ARL15: variants seen among roughly 807,000 people sequenced by gnomAD.
ARL15 encodes the protein ADP-ribosylation factor-like protein 15.
ARL15 carries 19 observed loss-of-function variants against 25.2 expected under a neutral mutation model. The observed-to-expected ratio is 0.75, with a 90% CI of 0.53 to 1.10. The LOEUF (loss-of-function observed/expected upper bound fraction) is 1.10, where lower values mean the gene tolerates loss of function less well. ARL15 is among the 50% of genes least tolerant of loss of function. The pLI is 0.00. For missense variants in ARL15, 220 were observed against 246.0 expected, an observed-to-expected ratio of 0.89 and a Z score of 0.71; for synonymous variants, 94 against 86.8, an observed-to-expected ratio of 1.08 and a Z score of -0.46.
intron 1 of ARL15, among the ~76,000 whole-genome samples, chr5:54,304,573 G>A (rs1758704511): frequency 1.3e-5 from 2 of 152,190 alleles, no homozygotes; most frequent in Non-Finnish European, 2.9e-5. Flanking sequence ...TTGGGAACCA[G>A]ACTTAACACC....
At chr5:53,905,217 T>G (rs1203279444) in intron 4 of ARL15, among the ~76,000 whole-genome samples, 1 of 152,198 alleles carries the variant, frequency 6.6e-6, no homozygotes. Context: ...CATAAAAGCA[T>G]GTCCACTGTC....
chr5:54,039,491 C>G (rs1269576392), intron 4 of ARL15, among the ~76,000 whole-genome samples: 2 of 152,022 alleles, frequency 1.3e-5, no homozygotes, highest in Non-Finnish European at 2.9e-5. Flanking sequence ...ATCAGGAGAA[C>G]TGTAAAGTTC....
intron 3 of ARL15, among the ~76,000 whole-genome samples, chr5:54,134,561 T>C (rs1322965321): frequency 2.2e-5 from 3 of 139,332 alleles, no homozygotes; most frequent in Non-Finnish European, 4.6e-5. Context: ...CCTGAAGGAA[T>C]GATTAGCTTT....
At chr5:54,256,627 GAAAA>G (rs1198665418) in intron 1 of ARL15, among the ~76,000 whole-genome samples, 2 of 138,180 alleles carry the variant, frequency 1.4e-5, no homozygotes, top group African/African-American at 2.8e-5. Context: ...AAAAAAAAAA[GAAAA>G]AGAAAGAAAG....
At chr5:54,039,800 T>TA (rs35030165) in intron 4 of ARL15, among the ~76,000 whole-genome samples, 15,876 of 52,562 alleles carry the variant, frequency 0.3, 3,492 homozygotes, top group African/African-American at 0.43. Context: ...AGACTCTGTC[T>TA]AAAAAAAAAA....
intron 4 of ARL15, among the ~76,000 whole-genome samples, chr5:53,924,672 A>G (rs887034086): frequency 1.2e-4 from 19 of 152,120 alleles, no homozygotes; most frequent in African/African-American, 4.6e-4. Context: ...AAGGCTGCTC[A>G]CCGTAACTCC....
chr5:54,244,036 G>A (rs1034159535), intron 1 of ARL15, among the ~76,000 whole-genome samples: 7 of 152,158 alleles, frequency 4.6e-5, no homozygotes, highest in Non-Finnish European at 1.0e-4. Context: ...TTTTAGACAA[G>A]TCATCTTCCC....
intron 3 of ARL15, among the ~76,000 whole-genome samples, chr5:54,131,688 C>T (rs189987771): frequency 2.6e-5 from 4 of 152,278 alleles, no homozygotes; most frequent in East Asian, 3.9e-4. Flanking sequence ...TTCTGAGAAA[C>T]TTTTATGTGC....
intron 4 of ARL15, among the ~76,000 whole-genome samples, chr5:53,889,699 C>G (rs1744651548): frequency 6.6e-6 from 1 of 152,120 alleles, no homozygotes; most frequent in Admixed American, 6.5e-5. Flanking sequence ...CAGTGAGTGA[C>G]TGCTGCTGGA....
intron 3 of ARL15, among the ~76,000 whole-genome samples, chr5:54,128,342 G>A (rs1188277914): frequency 2.0e-5 from 3 of 152,058 alleles, no homozygotes; most frequent in Admixed American, 2.0e-4. Context: ...GACTGTTGTG[G>A]GCTGACAGAT....
intron 1 of ARL15, among the ~76,000 whole-genome samples, chr5:54,292,212 G>A (rs72756288): frequency 1.8e-3 from 280 of 152,244 alleles, no homozygotes; most frequent in Admixed American, 5.1e-3. Flanking sequence ...CTGCCAAGTG[G>A]CAGGAGCCCT....
intron 1 of ARL15, among the ~76,000 whole-genome samples, chr5:54,292,406 A>C (rs1758357258): frequency 6.6e-6 from 1 of 152,192 alleles, no homozygotes; most frequent in South Asian, 2.1e-4. Flanking sequence ...GTGGATAAGC[A>C]AGCCACTGAA....
intron 4 of ARL15, among the ~76,000 whole-genome samples, chr5:53,922,353 G>A (rs547855227): frequency 7.2e-5 from 11 of 152,256 alleles, no homozygotes; most frequent in South Asian, 6.2e-4. Context: ...ATAGTTCACC[G>A]TAAAAGGATC....
At chr5:54,178,138 C>T (rs1342564371) in intron 1 of ARL15, among the ~76,000 whole-genome samples, 4 of 152,162 alleles carry the variant, frequency 2.6e-5, no homozygotes, top group South Asian at 4.1e-4. Flanking sequence ...TGTTACTAGA[C>T]GAGAATCTAG....
At chr5:53,984,626 A>G (rs541425578) in intron 4 of ARL15, among the ~76,000 whole-genome samples, 2 of 152,246 alleles carry the variant, frequency 1.3e-5, no homozygotes, top group African/African-American at 2.4e-5. Flanking sequence ...TTCAAGGTCA[A>G]TGTATTACCT....
intron 1 of ARL15, among the ~76,000 whole-genome samples, chr5:54,215,970 T>C (rs1437472843): frequency 6.6e-6 from 1 of 152,180 alleles, no homozygotes; most frequent in Admixed American, 6.5e-5. Flanking sequence ...ATCAAGGGCC[T>C]CCTATTGAAC....
intron 2 of ARL15, among the ~76,000 whole-genome samples, chr5:54,158,683 G>T (rs1414549300): frequency 6.6e-6 from 1 of 152,128 alleles, no homozygotes; most frequent in Non-Finnish European, 1.5e-5. Flanking sequence ...GACCAGCCTG[G>T]CCAAGATGGT....
intron 3 of ARL15, among the ~76,000 whole-genome samples, chr5:54,138,459 G>C (rs1026128774): frequency 3.3e-5 from 5 of 152,114 alleles, no homozygotes; most frequent in Admixed American, 2.6e-4. Context: ...TGGAAAACAA[G>C]ATGACCAGAT....
chr5:53,903,093 C>T (rs1745122974), intron 4 of ARL15, among the ~76,000 whole-genome samples: 1 of 152,112 alleles, frequency 6.6e-6, no homozygotes, highest in Non-Finnish European at 1.5e-5. Flanking sequence ...AAGTGGTAAT[C>T]CGTACTGAGG....
Sources: gnomAD v4.1 joint callset for allele counts (sites outside exome capture counted in the v4.1 genomes callset) on GRCh38, gnomAD v4.1.1 for gene constraint, MANE v1.5 for transcripts, NCBI Gene and HGNC (gene_info 2026-07-23, HGNC 2026-07-21) for gene names.